The following DNAH14 variants were observed in gnomAD, a reference collection of about 807,000 sequenced individuals.
DNAH14 encodes dynein axonemal heavy chain 14.
DNAH14 carries 478 observed loss-of-function variants against 520.9 expected under a neutral mutation model. The observed-to-expected ratio is 0.92, with a 90% CI of 0.85 to 0.99. DNAH14 has a LOEUF of 0.99. Ranked by LOEUF, DNAH14 falls within the 50% of genes least tolerant of loss-of-function variation. The pLI, the probability that DNAH14 is intolerant of heterozygous loss-of-function variation, is 0.00. For missense variants in DNAH14, 4,831 were observed against 5,234.5 expected (o/e 0.92, Z 2.38); for synonymous variants, 1,581 against 1,757.2 (o/e 0.90, Z 2.51).
chr1:225,096,609 A>G (rs968082297), intron 21 of DNAH14, among the ~76,000 whole-genome samples: 3 of 152,208 alleles, frequency 2.0e-5, no homozygotes, highest in African/African-American at 7.2e-5. Flanking sequence ...ACGTATAAGT[A>G]CTGACATAAA....
intron 27 of DNAH14, among the ~76,000 whole-genome samples, chr1:225,136,137 G>A (rs1248088038): frequency 5.3e-5 from 8 of 152,016 alleles, no homozygotes; most frequent in East Asian, 1.9e-4. Flanking sequence ...TTAATTGGGG[G>A]CATTTAGCCT....
intron 41 of DNAH14, among the ~76,000 whole-genome samples, chr1:225,226,971 A>G (rs2149540373): frequency 6.6e-6 from 1 of 152,288 alleles, no homozygotes; most frequent in East Asian, 1.9e-4. Context: ...TCAATGCAGT[A>G]AAGAGCAGTA....
intron 41 of DNAH14, among the ~76,000 whole-genome samples, chr1:225,219,996 G>A (rs1223217260): frequency 6.6e-6 from 1 of 152,150 alleles, no homozygotes; most frequent in Non-Finnish European, 1.5e-5. Context: ...TGCAAGGCTG[G>A]TTCAACATAT....
chr1:225,228,610 G>T (rs1031767696), intron 41 of DNAH14, among the ~76,000 whole-genome samples: 1 of 151,960 alleles, frequency 6.6e-6, no homozygotes, highest in Admixed American at 6.6e-5. Flanking sequence ...CCACTCCTGG[G>T]GGGGGTCACT....
intron 71 of DNAH14, among the ~76,000 whole-genome samples, chr1:225,349,315 A>C (rs2150449852): frequency 6.6e-6 from 1 of 152,324 alleles, no homozygotes; most frequent in Middle Eastern, 3.4e-3. Flanking sequence ...AATATGCACA[A>C]AACAAACTGA....
chr1:224,986,467 G>T (rs529011477), intron 8 of DNAH14, among the ~76,000 whole-genome samples: 14 of 152,084 alleles, frequency 9.2e-5, no homozygotes, highest in Non-Finnish European at 1.3e-4. Context: ...TCCCGGGGAT[G>T]CAAGGATAGT....
chr1:225,010,347 G>A (rs1319393810), intron 10 of DNAH14, among the ~76,000 whole-genome samples: 1 of 152,172 alleles, frequency 6.6e-6, no homozygotes, highest in Non-Finnish European at 1.5e-5. Flanking sequence ...CATCTATTGA[G>A]ATAATCATGT....
intron 69 of DNAH14, among the ~76,000 whole-genome samples, chr1:225,345,148 CCTG>C (rs2095267601): frequency 6.6e-6 from 1 of 152,142 alleles, no homozygotes; most frequent in Non-Finnish European, 1.5e-5. Context: ...AAAAGCTTCA[CCTG>C]CATCAGTAAG....
At chr1:224,985,771 G>A (rs1007301494) in intron 8 of DNAH14, among the ~76,000 whole-genome samples, 1 of 151,902 alleles carries the variant, frequency 6.6e-6, no homozygotes, top group South Asian at 2.1e-4. Context: ...ATCTACTGAA[G>A]AATGCATGAG....
chr1:225,167,529 A>G (rs190365801), intron 35 of DNAH14, among the ~76,000 whole-genome samples: 1 of 152,314 alleles, frequency 6.6e-6, no homozygotes, highest in East Asian at 1.9e-4. Flanking sequence ...AAACACTAAA[A>G]TAATCATTAC....
At chr1:225,261,392 G>C (rs2092930924) in intron 46 of DNAH14, among the ~76,000 whole-genome samples, 1 of 152,072 alleles carries the variant, frequency 6.6e-6, no homozygotes, top group African/African-American at 2.4e-5. Flanking sequence ...TTATTAAGAT[G>C]ACCTTATAGT....
At chr1:225,345,019 T>G (rs1020390308) in intron 69 of DNAH14, among the ~76,000 whole-genome samples, 12 of 152,178 alleles carry the variant, frequency 7.9e-5, no homozygotes, top group African/African-American at 2.9e-4. Context: ...GGCCAGAAAC[T>G]AGCCATTCTT....
chr1:224,969,090 T>C, intron 7 of DNAH14: 1 of 396,368 alleles, frequency 2.5e-6, no homozygotes, highest in Non-Finnish European at 4.6e-6. Flanking sequence ...CTTTCAGAAT[T>C]AATAAAGCAT....
intron 43 of DNAH14, among the ~76,000 whole-genome samples, chr1:225,251,663 A>G (rs2092557272): frequency 6.6e-6 from 1 of 152,208 alleles, no homozygotes; most frequent in Admixed American, 6.5e-5. Flanking sequence ...TTCAAAGAAT[A>G]TATATAAATT....
chr1:225,004,572 A>G (rs1296184328), intron 9 of DNAH14, among the ~76,000 whole-genome samples: 3 of 152,196 alleles, frequency 2.0e-5, no homozygotes, highest in Non-Finnish European at 2.9e-5. Flanking sequence ...ACAGTAGGGG[A>G]AAAGTAGGAT....
At chr1:225,281,076 T>C in intron 54 of DNAH14, among the ~76,000 whole-genome samples, 1 of 152,222 alleles carries the variant, frequency 6.6e-6, no homozygotes. Context: ...GTGTTCATTT[T>C]TTACTGCCTA....
intron 37 of DNAH14, among the ~76,000 whole-genome samples, chr1:225,186,208 C>A (rs2084708228): frequency 6.6e-6 from 1 of 151,538 alleles, no homozygotes; most frequent in African/African-American, 2.4e-5. Context: ...AATTCAGATT[C>A]TTGGTTATGT....
chr1:225,276,996 A>AG (rs1474405986), intron 53 of DNAH14, among the ~76,000 whole-genome samples: 680 of 54,070 alleles, frequency 0.013, 20 homozygotes, highest in African/African-American at 0.015. Flanking sequence ...GGAGGGAGGA[A>AG]GGAAGGGAGG....
Position 225,159,427 on chromosome 1 carries a change from T to C in DNAH14, c.5387T>C (p.Ile1796Thr), listed in dbSNP as rs1330397443. Residue 1796 changes from isoleucine to threonine, a missense_variant, in exon 35 of 86, where the codon ATT (isoleucine) becomes ACT (threonine). Transcript: ENST00000682510. ...PPEDVPLFEN[I>T]IGDIFPEVTV... Reference sequence around the variant, plus strand: ...GAAGATGTCCCACTTTTTGAAAATATTATAGGAGATATTTTTCCAGAAGTG... The same window carrying C: ...GAAGATGTCCCACTTTTTGAAAATACTATAGGAGATATTTTTCCAGAAGTG... 7.1e-6 allele frequency: 11 copies of C among 1,547,064 alleles called. No homozygotes were observed.
Sources: gnomAD v4.1 joint callset for allele counts (sites outside exome capture counted in the v4.1 genomes callset) on GRCh38, gnomAD v4.1.1 for gene constraint, MANE v1.5 for transcripts, NCBI Gene and HGNC (gene_info 2026-07-23, HGNC 2026-07-21) for gene names.